NSUN7: variants seen among roughly 807,000 people sequenced by gnomAD.
The protein encoded by NSUN7 is NOP2/Sun RNA methyltransferase family member 7.
NSUN7 carries 39 observed loss-of-function variants against 58.5 expected under a neutral mutation model. That is an observed-to-expected ratio of 0.67 (90% CI 0.52 to 0.87). The LOEUF is 0.87. Ranked by LOEUF, NSUN7 falls within the 40% of genes least tolerant of loss-of-function variation. NSUN7 has a pLI of 0.00. For missense variants in NSUN7, 765 were observed against 844.1 expected (o/e 0.91, Z 1.16); for synonymous variants, 278 against 303.7 (o/e 0.92, Z 0.88).
At chr4:40,801,665 A>G (rs1349147017) in intron 10 of NSUN7, among the ~76,000 whole-genome samples, 1 of 152,098 alleles carries the variant, frequency 6.6e-6, no homozygotes, top group Admixed American at 6.6e-5. Flanking sequence ...TGGGAGGCTG[A>G]GGTGGGTGGG....
chr4:40,755,251 G>A (rs527759931), intron 2 of NSUN7, among the ~76,000 whole-genome samples: 13 of 152,168 alleles, frequency 8.5e-5, no homozygotes, highest in African/African-American at 1.4e-4. Flanking sequence ...CATCACGCCC[G>A]GCTAATTTTT....
intron 7 of NSUN7, among the ~76,000 whole-genome samples, chr4:40,787,186 G>C (rs1300626580): frequency 6.6e-6 from 1 of 151,860 alleles, no homozygotes; most frequent in East Asian, 1.9e-4. Flanking sequence ...TTACACTGCG[G>C]AAGGCCGCAG....
intron 4 of NSUN7, among the ~76,000 whole-genome samples, chr4:40,762,082 C>G (rs1577546625): frequency 6.6e-6 from 1 of 152,156 alleles, no homozygotes; most frequent in African/African-American, 2.4e-5. Context: ...TGGGTTTGCT[C>G]TCTTGTGCTT....
chr4:40,796,868 C>G (rs181122517), intron 9 of NSUN7, among the ~76,000 whole-genome samples: 1 of 152,164 alleles, frequency 6.6e-6, no homozygotes, highest in East Asian at 1.9e-4. Context: ...ATGTCCTCCC[C>G]CTTTGTAAAA....
chr4:40,801,915 A>AAAAAAAAAGAAAAG (rs1743604476), intron 10 of NSUN7, among the ~76,000 whole-genome samples: 1 of 150,338 alleles, frequency 6.7e-6, no homozygotes, highest in Non-Finnish European at 1.5e-5. Flanking sequence ...AAAAAAAAAA[A>AAAAAAAAAGAAAAG]AAAAGAAAAG....
intron 7 of NSUN7, among the ~76,000 whole-genome samples, chr4:40,780,811 A>AT (rs1742519768): frequency 2.9e-4 from 27 of 94,092 alleles, no homozygotes; most frequent in South Asian, 6.4e-4. Flanking sequence ...ATATATATAT[A>AT]TATTTTTTTT....
intron 10 of NSUN7, among the ~76,000 whole-genome samples, chr4:40,806,015 T>C (rs1363156800): frequency 6.6e-6 from 1 of 151,954 alleles, no homozygotes; most frequent in African/African-American, 2.4e-5. Flanking sequence ...CTAATTTTTG[T>C]TTTTTTGAGC....
chr4:40,766,838 C>T (rs1206787509), intron 4 of NSUN7, among the ~76,000 whole-genome samples: 1 of 150,358 alleles, frequency 6.7e-6, no homozygotes, highest in Non-Finnish European at 1.5e-5. Flanking sequence ...GGAATTTATC[C>T]ATTTCTTCTA....
intron 10 of NSUN7, among the ~76,000 whole-genome samples, chr4:40,803,168 T>C (rs1208340538): frequency 6.6e-6 from 1 of 152,160 alleles, no homozygotes; most frequent in Admixed American, 6.5e-5. Flanking sequence ...TGCCACATTT[T>C]CTTAATCCAG....
chr4:40,810,939 G>C lies in NSUN7; in HGVS notation c.*2000G>C, dbSNP rs1053656854. The C allele has an allele frequency of 1.3e-5, 2 of 152,088 alleles. No individual in the cohort carries two copies. The highest frequency in any genetic ancestry group is 2.9e-5 in the Non-Finnish European group (2 of 68,016). The allele number at this position is 152,088 out of a possible 1,614,324, so 9.4% of individuals were successfully genotyped here. A position where few individuals can be genotyped will look rare whatever the true frequency, so the allele number is the denominator to read the frequency against. On this transcript the variant is annotated 3_prime_UTR_variant, in exon 12 of 12. Coordinates refer to ENST00000381782, the MANE Select transcript of NSUN7 (RefSeq NM_024677.6). Reference sequence around the variant, plus strand: ...CCTTTTCGGGCCCTCCACCATACCAGACTGAAAAGTATTCCATTGTCCAGA... The same window carrying C: ...CCTTTTCGGGCCCTCCACCATACCACACTGAAAAGTATTCCATTGTCCAGA...
intron 4 of NSUN7, among the ~76,000 whole-genome samples, chr4:40,769,270 G>T (rs1485050886): frequency 6.6e-6 from 1 of 152,182 alleles, no homozygotes; most frequent in Non-Finnish European, 1.5e-5. Flanking sequence ...GGCAGGTAGA[G>T]TGATATTTTC....
intron 8 of NSUN7, among the ~76,000 whole-genome samples, chr4:40,792,586 C>G (rs1743129121): frequency 6.6e-6 from 1 of 152,062 alleles, no homozygotes; most frequent in African/African-American, 2.4e-5. Context: ...CCCGTCTCTA[C>G]TAAAAATACA....
intron 4 of NSUN7, among the ~76,000 whole-genome samples, chr4:40,772,685 G>T (rs1237213124): frequency 6.6e-6 from 1 of 152,110 alleles, no homozygotes; most frequent in Non-Finnish European, 1.5e-5. Context: ...TTAACAGTTG[G>T]TGCTAAAAAA....
At chr4:40,757,702 T>TAC (rs1741230533) in intron 2 of NSUN7, among the ~76,000 whole-genome samples, 2 of 126,444 alleles carry the variant, frequency 1.6e-5, no homozygotes, top group South Asian at 2.5e-4. Context: ...TGTATATATA[T>TAC]ACATTGTGTG....
At chr4:40,781,051 C>T (rs1742541078) in intron 7 of NSUN7, among the ~76,000 whole-genome samples, 2 of 151,234 alleles carry the variant, frequency 1.3e-5, no homozygotes, top group Admixed American at 6.6e-5. Context: ...ATCTCCTGAC[C>T]TCGTGATCCA....
Position 40,808,799 on chromosome 4 carries a change from C to T in NSUN7, c.2017C>T (p.Gln673Ter). 1 of 1,548,932 alleles carries T rather than the reference C, an allele frequency of 6.5e-7. No individual in the cohort carries two copies. Among genetic ancestry groups the T allele is most frequent in the Non-Finnish European group, 8.7e-7 (1 of 1,146,408 alleles). ...AGGGATCAGATCTCGGATGCCAACT[C>T]AACATTTGTACTGTCGTTGGGTTGC... ...PQGIRSRMPT[Q>*]HLYCRWVAPK... Residue 673 changes from glutamine to a stop codon, truncating the protein, a stop_gained, in exon 12 of 12, where the codon CAA becomes TAA. Transcript: ENST00000381782. LOFTEE classifies it low-confidence loss of function (END_TRUNC).
chr4:40,792,543 A>T (rs936877290), intron 8 of NSUN7, among the ~76,000 whole-genome samples: 2 of 152,056 alleles, frequency 1.3e-5, no homozygotes, highest in Non-Finnish European at 2.9e-5. Flanking sequence ...CGAGGTCAGG[A>T]GCTCGAGACC....
chr4:40,800,820 T>A (rs1421727694), intron 10 of NSUN7, among the ~76,000 whole-genome samples: 1 of 152,194 alleles, frequency 6.6e-6, no homozygotes, highest in Non-Finnish European at 1.5e-5. Flanking sequence ...CTTATTTGAT[T>A]TATGGAAAAA....
intron 2 of NSUN7, among the ~76,000 whole-genome samples, chr4:40,751,495 T>C (rs541814428): frequency 2.0e-5 from 3 of 152,140 alleles, no homozygotes; most frequent in African/African-American, 7.2e-5. Context: ...TTCACAAATA[T>C]AAAACCAGTG....
Sources: allele counts gnomAD v4.1 joint callset (sites outside exome capture counted in the v4.1 genomes callset), GRCh38; gene constraint gnomAD v4.1.1; transcripts MANE v1.5; gene names NCBI Gene and HGNC (gene_info 2026-07-23, HGNC 2026-07-21).